The following CDKL3 variants were observed in gnomAD, a reference collection of about 807,000 sequenced individuals.
CDKL3 encodes cyclin-dependent kinase-like 3.
In CDKL3, 65 loss-of-function variants were observed where a neutral mutation model predicts 69.3. The ratio of observed to expected loss-of-function variants is 0.94; its 90% CI spans 0.77 to 1.15. The LOEUF (loss-of-function observed/expected upper bound fraction) is 1.15, where lower values mean the gene tolerates loss of function less well. Ranked by LOEUF, CDKL3 falls within the 50% of genes most tolerant of loss-of-function variation. CDKL3 has a pLI of 0.00. For missense variants in CDKL3, 652 were observed against 689.2 expected (o/e 0.95, Z 0.61); for synonymous variants, 202 against 221.6 (o/e 0.91, Z 0.79).
chr5:134,329,898 T>C (rs1264983230), intron 4 of CDKL3, among the ~76,000 whole-genome samples: 1 of 151,778 alleles, frequency 6.6e-6, no homozygotes, highest in Admixed American at 6.6e-5. Flanking sequence ...TAATCCCAGC[T>C]ATTTGGGAGG....
chr5:134,332,526 C>T (rs936952751), intron 4 of CDKL3, among the ~76,000 whole-genome samples: 1 of 152,152 alleles, frequency 6.6e-6, no homozygotes, highest in African/African-American at 2.4e-5. Context: ...AACCAGTTTT[C>T]CCAGCACCGT....
intron 6 of CDKL3, among the ~76,000 whole-genome samples, chr5:134,313,158 G>T (rs1243724099): frequency 6.6e-6 from 1 of 152,132 alleles, no homozygotes; most frequent in African/African-American, 2.4e-5. Flanking sequence ...GAGTTCAAGC[G>T]ATTCTCCCGC....
rs1431879005 is a variant in CDKL3, at chr5:134,350,311, G to A, written c.477C>T (p.Asp159=). Reference sequence around the variant, plus strand: ...CTCTATACCAGCGTGTGGCCACATAGTCCGTATAAATGTCCCCAGGAGCTG... The same window carrying A: ...CTCTATACCAGCGTGTGGCCACATAATCCGTATAAATGTCCCCAGGAGCTG... ...TLAAPGDIYT[D]YVATRWYRAP... is the part of the protein sequence containing the mutation. The change falls in exon 4 of 13, where the codon GAC becomes GAT. Residue 159 remains aspartate (D), a synonymous_variant. Transcript: ENST00000265334. 1.7e-5 allele frequency: 27 copies of A among 1,594,286 alleles called. No individual in the cohort carries two copies. Among genetic ancestry groups the A allele is most frequent in the Non-Finnish European group, 2.2e-5 (26 of 1,170,114 alleles).
chr5:134,363,746 C>A (rs1039563004), intron 2 of CDKL3, among the ~76,000 whole-genome samples: 10 of 152,118 alleles, frequency 6.6e-5, no homozygotes, highest in Admixed American at 5.9e-4. Context: ...CTGGCGTGAA[C>A]CACCGCGCCC....
downstream of CDKL3, among the ~76,000 whole-genome samples, chr5:134,286,144 A>T (rs1210668730): frequency 1.3e-5 from 2 of 152,054 alleles, no homozygotes; most frequent in East Asian, 3.9e-4. Flanking sequence ...CAACAACAAC[A>T]AAAAGAAATT....
intron 3 of CDKL3, among the ~76,000 whole-genome samples, chr5:134,354,283 C>T (rs1009841184): frequency 1.3e-5 from 2 of 152,140 alleles, no homozygotes; most frequent in African/African-American, 4.8e-5. Context: ...GTGCCTAGAA[C>T]AAAGAGAAGG....
downstream of CDKL3, among the ~76,000 whole-genome samples, chr5:134,296,175 G>A (rs1765338783): frequency 6.6e-6 from 1 of 152,140 alleles, no homozygotes; most frequent in African/African-American, 2.4e-5. Context: ...GGGATTACAG[G>A]CGTGAGCCAC....
chr5:134,318,952 T>C (rs1771948482), intron 6 of CDKL3: 1 of 152,832 alleles, frequency 6.5e-6, no homozygotes. Context: ...CCTTTTGGAA[T>C]TTCATTAAAG....
intron 2 of CDKL3, among the ~76,000 whole-genome samples, chr5:134,361,058 A>G (rs1258679064): frequency 6.6e-6 from 1 of 152,192 alleles, no homozygotes; most frequent in Admixed American, 6.5e-5. Context: ...ACTGGCAACA[A>G]TTATTGCTAA....
intron 4 of CDKL3, among the ~76,000 whole-genome samples, chr5:134,335,526 A>G (rs1776893359): frequency 6.6e-6 from 1 of 152,166 alleles, no homozygotes; most frequent in Admixed American, 6.5e-5. Context: ...TGGTGGTGAC[A>G]AAATCTCTCA....
chr5:134,307,825 T>C (rs768268298), intron 9 of CDKL3, among the ~76,000 whole-genome samples: 8 of 152,332 alleles, frequency 5.3e-5, no homozygotes, highest in East Asian at 1.9e-4. Context: ...CCAAGGCACA[T>C]TGATACCAGA....
chr5:134,298,518 A>T lies in CDKL3; in HGVS notation c.*133T>A, dbSNP rs577954475. ...AGAAAACAGTAAATGTTTTGCTAAC[A>T]AAAAAAGCTGGATGATGCTCATGCA... On this transcript the variant is annotated 3_prime_UTR_variant, in exon 13 of 13. Coordinates refer to ENST00000265334, the MANE Select transcript of CDKL3 (RefSeq NM_001113575.2). The T allele has an allele frequency of 7.0e-7, 1 of 1,437,248 alleles. No homozygotes were observed. The highest frequency in any genetic ancestry group is 9.1e-7 in the Non-Finnish European group (1 of 1,098,724). The allele number at this position is 1,437,248 out of a possible 1,614,324, so 89.0% of individuals were successfully genotyped here. A position where few individuals can be genotyped will look rare whatever the true frequency, so the allele number is the denominator to read the frequency against.
At chr5:134,324,968 A>G (rs1334953269) in intron 4 of CDKL3, among the ~76,000 whole-genome samples, 3 of 152,226 alleles carry the variant, frequency 2.0e-5, no homozygotes, top group African/African-American at 7.2e-5. Flanking sequence ...TTTCTGTTCA[A>G]TTCTTCTGGA....
Position 134,350,285 on chromosome 5 carries a change from G to T in CDKL3, c.503C>A (p.Ala168Asp). 1 of 1,590,110 alleles carries T rather than the reference G, an allele frequency of 6.3e-7. No individual in the cohort carries two copies. Among genetic ancestry groups the T allele is most frequent in the Non-Finnish European group, 8.6e-7 (1 of 1,168,084 alleles). The change falls in exon 4 of 13, where the codon GCT becomes GAT. Residue 168 changes from alanine (A) to aspartate (D), a missense_variant. Coordinates refer to ENST00000265334, the MANE Select transcript of CDKL3 (RefSeq NM_001113575.2). ...AGTATCTTTTAATACTAATTCGGGAGCTCTATACCAGCGTGTGGCCACATA... is the reference window on the plus strand; with the variant it reads ...AGTATCTTTTAATACTAATTCGGGATCTCTATACCAGCGTGTGGCCACATA... ...TDYVATRWYR[A>D]PELVLKDTSY...
At chr5:134,322,202 T>A (rs1426346076) in intron 4 of CDKL3, among the ~76,000 whole-genome samples, 1 of 151,972 alleles carries the variant, frequency 6.6e-6, no homozygotes, top group Non-Finnish European at 1.5e-5. Context: ...TTAGTAGAGA[T>A]GGGGTTTCAC....
chr5:134,355,303 G>GA (rs1178502870), intron 3 of CDKL3, among the ~76,000 whole-genome samples: 8 of 147,498 alleles, frequency 5.4e-5, no homozygotes, highest in Non-Finnish European at 3.0e-5. Flanking sequence ...AGTTGTAAGA[G>GA]AAACACCTTA....
At chr5:134,305,365 C>T (rs976727459) in intron 10 of CDKL3, among the ~76,000 whole-genome samples, 1 of 152,156 alleles carries the variant, frequency 6.6e-6, no homozygotes, top group African/African-American at 2.4e-5. Context: ...CCTCCCAGCT[C>T]AGTCTCCCAA....
At chr5:134,301,340 G>A in intron 12 of CDKL3, among the ~76,000 whole-genome samples, 1 of 152,112 alleles carries the variant, frequency 6.6e-6, no homozygotes, top group Non-Finnish European at 1.5e-5. Context: ...CTGCAAAGTG[G>A]ACTGTGGAGT....
chr5:134,322,768 T>G (rs1428123762), intron 4 of CDKL3, among the ~76,000 whole-genome samples: 1 of 152,002 alleles, frequency 6.6e-6, no homozygotes, highest in African/African-American at 2.4e-5. Context: ...GATCACAAGG[T>G]CAGGAGTTCG....
Sources: gnomAD v4.1 joint callset for allele counts (sites outside exome capture counted in the v4.1 genomes callset) on GRCh38, gnomAD v4.1.1 for gene constraint, MANE v1.5 for transcripts, NCBI Gene and HGNC (gene_info 2026-07-23, HGNC 2026-07-21) for gene names.